Variants in TES observed in about 807,000 individuals in gnomAD.
TES encodes testin LIM domain protein, also known as testin.
TES carries 41 observed loss-of-function variants against 48.2 expected under a neutral mutation model. That is an observed-to-expected ratio of 0.85 (90% CI 0.66 to 1.10). TES has a LOEUF of 1.10. Ranked by LOEUF, TES falls within the 50% of genes least tolerant of loss-of-function variation. The pLI, the probability that TES is intolerant of heterozygous loss-of-function variation, is 0.00. For synonymous variants in TES, 162 were observed against 174.9 expected (o/e 0.93, Z 0.58); for missense variants, 463 against 515.1 (o/e 0.90, Z 0.98).
rs1164168912 is a variant in TES, at chr7:116,234,554, A to G, written c.48A>G (p.Gln16=). The G allele has an allele frequency of 1.9e-6, 3 of 1,613,900 alleles. No homozygotes were observed. The highest frequency in any genetic ancestry group is 2.5e-6 in the Non-Finnish European group (3 of 1,179,826). Reference sequence around the variant, plus strand: ...AACAGATGGGCTTAGGTCACGAGCAAGGATTTGGAGCCCCTTGTTTAAAAT... The same window carrying G: ...AACAGATGGGCTTAGGTCACGAGCAGGGATTTGGAGCCCCTTGTTTAAAAT... ...KVKKMGLGHE[Q]GFGAPCLKCK... The change falls in exon 2 of 7, where the codon CAA becomes CAG. Residue 16 remains glutamine (Q), a synonymous_variant. Transcript: ENST00000358204.
chr7:116,228,998 C>CTATATATATATATA (rs58514364), intron 1 of TES, among the ~76,000 whole-genome samples: 29 of 110,134 alleles, frequency 2.6e-4, no homozygotes, highest in East Asian at 1.8e-3. Flanking sequence ...GTATCTATAA[C>CTATATATATATATA]TATATATATA....
chr7:116,226,873 T>C (rs956942908), intron 1 of TES, among the ~76,000 whole-genome samples: 4 of 152,164 alleles, frequency 2.6e-5, no homozygotes, highest in Admixed American at 6.5e-5. Context: ...TCAGTCTTCT[T>C]CTCATGTATT....
chr7:116,218,698 T>G (rs1037015492), intron 1 of TES, among the ~76,000 whole-genome samples: 1 of 151,662 alleles, frequency 6.6e-6, no homozygotes, highest in South Asian at 2.1e-4. Flanking sequence ...CTTTGATAGA[T>G]TTTTTTTTAA....
intron 6 of TES, among the ~76,000 whole-genome samples, chr7:116,255,676 A>G (rs916332357): frequency 2.0e-5 from 3 of 152,220 alleles, no homozygotes; most frequent in Non-Finnish European, 4.4e-5. Context: ...AAGATAGATC[A>G]TGGTCTGAAA....
intron 2 of TES, among the ~76,000 whole-genome samples, chr7:116,240,741 G>T (rs1343410708): frequency 6.6e-6 from 1 of 152,146 alleles, no homozygotes; most frequent in Non-Finnish European, 1.5e-5. Context: ...AATCTGGAGA[G>T]AGAACTGCTC....
chr7:116,240,590 C>T (rs539913086), intron 2 of TES, among the ~76,000 whole-genome samples: 7 of 152,174 alleles, frequency 4.6e-5, no homozygotes, highest in African/African-American at 1.7e-4. Flanking sequence ...CTCCTCCATC[C>T]CCACACCTTA....
chr7:116,257,069 A>G (rs890742407), intron 6 of TES, among the ~76,000 whole-genome samples: 3 of 152,214 alleles, frequency 2.0e-5, no homozygotes, highest in African/African-American at 7.2e-5. Context: ...ACATGCATCA[A>G]ATCACCTGTT....
chr7:116,248,924 G>T, intron 2 of TES, 96 bp from the exon 3 acceptor site: 1 of 1,287,634 alleles, frequency 7.8e-7, no homozygotes, highest in Non-Finnish European at 1.0e-6. Context: ...CCATGATATA[G>T]AATAGGCCTA....
At chr7:116,250,552 C>T in intron 4 of TES, 56 bp downstream of exon 4, 3 of 1,356,730 alleles carry the variant, frequency 2.2e-6, no homozygotes, top group South Asian at 2.2e-5. Context: ...GAATTTTTTT[C>T]CCTTACTTTG....
At chr7:116,240,382 AAT>A (rs1415081724) in intron 2 of TES, among the ~76,000 whole-genome samples, 2 of 152,042 alleles carry the variant, frequency 1.3e-5, no homozygotes, top group Non-Finnish European at 2.9e-5. Flanking sequence ...TGAAAATGTA[AAT>A]ATGTTTATTT....
chr7:116,242,714 C>G (rs532522735), intron 2 of TES, among the ~76,000 whole-genome samples: 24 of 151,780 alleles, frequency 1.6e-4, no homozygotes, highest in Admixed American at 1.2e-3. Context: ...TAGATAAATT[C>G]CATGATTTAT....
intron 1 of TES, among the ~76,000 whole-genome samples, chr7:116,219,616 A>G (rs1005970753): frequency 6.6e-6 from 1 of 152,164 alleles, no homozygotes; most frequent in African/African-American, 2.4e-5. Context: ...CAAAGCAGTC[A>G]CATGTCCAGT....
At chr7:116,249,495 A>G (rs1176210781) in intron 3 of TES, 7 of 538,026 alleles carry the variant, frequency 1.3e-5, no homozygotes, top group Non-Finnish European at 2.3e-5. Flanking sequence ...TTTTGAGGGA[A>G]TGGTCTAACG....
At chr7:116,230,677 A>G (rs1799686728) in intron 1 of TES, among the ~76,000 whole-genome samples, 1 of 152,218 alleles carries the variant, frequency 6.6e-6, no homozygotes, top group Non-Finnish European at 1.5e-5. Context: ...GAATGCTTCA[A>G]GAGGTTTAGT....
chr7:116,210,785 G>C, intron 1 of TES, 51 bp downstream of exon 1: 2 of 1,229,294 alleles, frequency 1.6e-6, no homozygotes, highest in Non-Finnish European at 2.0e-6. Flanking sequence ...CGCGGGTCGC[G>C]CGGCGCGCGG....
chr7:116,246,247 A>G (rs969486096), intron 2 of TES, among the ~76,000 whole-genome samples: 1 of 152,220 alleles, frequency 6.6e-6, no homozygotes, highest in African/African-American at 2.4e-5. Context: ...GACCACAACA[A>G]TAACCCTCCA....
chr7:116,252,106 A>C, intron 5 of TES, 131 bp downstream of exon 5: 1 of 1,045,796 alleles, frequency 9.6e-7, no homozygotes, highest in Non-Finnish European at 1.4e-6. Context: ...TTAAAAAATA[A>C]ACTTCTGATA....
In TES at chr7:116,257,574, A is replaced by G. The variant is rs1486289577; in HGVS notation, c.*92A>G. 5.2e-6 allele frequency: 6 copies of G among 1,150,796 alleles called. No homozygotes were observed. In the East Asian group the frequency reaches 1.5e-4, roughly 29 times the overall value. The allele number at this position is 1,150,796 out of a possible 1,614,324, so 71.3% of individuals were successfully genotyped here. A position where few individuals can be genotyped will look rare whatever the true frequency, so the allele number is the denominator to read the frequency against. On this transcript the variant is annotated 3_prime_UTR_variant, in exon 7 of 7. Transcript: ENST00000358204. Reference sequence around the variant, plus strand: ...CAATTTGAAAAAAATAAAACGCAAAAAAAGAAACTGTAAAGGAAACCAAGA... The same window carrying G: ...CAATTTGAAAAAAATAAAACGCAAAGAAAGAAACTGTAAAGGAAACCAAGA...
chr7:116,257,157 G>T, intron 6 of TES, 137 bp from the exon 7 acceptor site: 1 of 921,502 alleles, frequency 1.1e-6, no homozygotes, highest in Non-Finnish European at 1.5e-6. Context: ...TTAGCTAGAA[G>T]GCCACCCTCC....
Sources: gnomAD v4.1 joint callset for allele counts (sites outside exome capture counted in the v4.1 genomes callset) on GRCh38, gnomAD v4.1.1 for gene constraint, MANE v1.5 for transcripts, NCBI Gene and HGNC (gene_info 2026-07-23, HGNC 2026-07-21) for gene names.